Variants in PEBP4 observed in about 807,000 individuals in gnomAD.
PEBP4 encodes the protein phosphatidylethanolamine binding protein 4.
A neutral mutation model predicts 23.9 loss-of-function variants in PEBP4; 22 were observed. That is an observed-to-expected ratio of 0.92 (90% CI 0.66 to 1.31). The LOEUF is 1.31. Ranked by LOEUF, PEBP4 falls within the 40% of genes most tolerant of loss-of-function variation. PEBP4 has a pLI of 0.00. For missense variants in PEBP4, 324 were observed against 281.7 expected (o/e 1.15, Z -1.07); for synonymous variants, 112 against 99.3 (o/e 1.13, Z -0.76).
intron 3 of PEBP4, among the ~76,000 whole-genome samples, chr8:22,918,723 C>T (rs894016065): frequency 1.3e-5 from 2 of 152,108 alleles, no homozygotes; most frequent in East Asian, 1.9e-4. Context: ...ATGGTGAAGC[C>T]GAGAGTCCTG....
At chr8:22,920,879 G>A (rs1809184415) in intron 2 of PEBP4, among the ~76,000 whole-genome samples, 1 of 152,206 alleles carries the variant, frequency 6.6e-6, no homozygotes, top group South Asian at 2.1e-4. Context: ...CTGTAGCCTA[G>A]GTTCTCTTTC....
At position 22,747,872 on chromosome 8, in the gene PEBP4, T is replaced by C. The variant is rs1239048289; in HGVS notation, c.358-20652A>G. Among the ~76,000 whole-genome samples, 15 of 152,082 alleles carry C rather than the reference T, an allele frequency of 9.9e-5. No homozygotes were observed. In the South Asian group the frequency reaches 3.1e-3, roughly 32 times the overall value. Reference sequence around the variant, plus strand: ...GGGGCTTTCTCAGGGAATGTGTGAGTGTGTGCTCACACAAGCACTGTGGAG... The same window carrying C: ...GGGGCTTTCTCAGGGAATGTGTGAGCGTGTGCTCACACAAGCACTGTGGAG... On this transcript the variant is annotated intron_variant, in intron 4 of 6. Coordinates refer to ENST00000256404, the MANE Select transcript of PEBP4 (RefSeq NM_144962.3).
chr8:22,940,505 T>C (rs1044684069), intron 1 of PEBP4, among the ~76,000 whole-genome samples: 1 of 146,192 alleles, frequency 6.8e-6, no homozygotes, highest in Non-Finnish European at 1.5e-5. Context: ...TTTTTTTTTT[T>C]CGAGACGGAG....
intron 4 of PEBP4, among the ~76,000 whole-genome samples, chr8:22,804,779 G>T (rs1295208365): frequency 3.3e-5 from 5 of 152,036 alleles, no homozygotes; most frequent in Non-Finnish European, 5.9e-5. Flanking sequence ...CTAACAAACG[G>T]TTAGAACCTC....
chr8:22,796,805 G>A (rs1477367334), intron 4 of PEBP4, among the ~76,000 whole-genome samples: 1 of 152,108 alleles, frequency 6.6e-6, no homozygotes, highest in Non-Finnish European at 1.5e-5. Flanking sequence ...TGGGAGGGAG[G>A]GAGGCAGAAG....
chr8:22,776,661 T>A (rs1805820432), intron 4 of PEBP4, among the ~76,000 whole-genome samples: 1 of 151,692 alleles, frequency 6.6e-6, no homozygotes, highest in Non-Finnish European at 1.5e-5. Flanking sequence ...TTCCTCCCCA[T>A]CTCTACTTTC....
chr8:22,781,917 C>CG (rs1396224119), intron 4 of PEBP4, among the ~76,000 whole-genome samples: 1 of 152,154 alleles, frequency 6.6e-6, no homozygotes, highest in Non-Finnish European at 1.5e-5. Flanking sequence ...CCAGGTAACC[C>CG]GGGGGGCTGA....
chr8:22,877,512 G>A (rs182930374), intron 3 of PEBP4, among the ~76,000 whole-genome samples: 7 of 152,294 alleles, frequency 4.6e-5, no homozygotes, highest in Admixed American at 1.3e-4. Context: ...TTGTCTCTCC[G>A]TAGCCAAATG....
intron 3 of PEBP4, 44 bp downstream of exon 3, chr8:22,920,140 A>G: frequency 1.3e-6 from 2 of 1,568,020 alleles, no homozygotes; most frequent in Non-Finnish European, 1.7e-6. Context: ...GAACATCAAG[A>G]CCCCCAACTG....
intron 4 of PEBP4, among the ~76,000 whole-genome samples, chr8:22,776,120 C>T (rs1366221907): frequency 6.6e-6 from 1 of 152,180 alleles, no homozygotes; most frequent in Non-Finnish European, 1.5e-5. Context: ...CAAAGTAATA[C>T]TTAGAAAGCC....
At chr8:22,901,148 C>CAA (rs1377539993) in intron 3 of PEBP4, among the ~76,000 whole-genome samples, 1 of 152,140 alleles carries the variant, frequency 6.6e-6, no homozygotes, top group Admixed American at 6.5e-5. Flanking sequence ...AAAATAAAAC[C>CAA]TATATTCCAC....
intron 4 of PEBP4, among the ~76,000 whole-genome samples, chr8:22,804,905 C>T (rs568785960): frequency 1.3e-5 from 2 of 152,326 alleles, no homozygotes; most frequent in South Asian, 4.1e-4. Context: ...CCAGCTCCTT[C>T]CTGCTGTTCC....
intron 3 of PEBP4, among the ~76,000 whole-genome samples, chr8:22,843,622 T>C (rs1807369256): frequency 6.6e-6 from 1 of 152,128 alleles, no homozygotes; most frequent in Non-Finnish European, 1.5e-5. Context: ...TCCAACATCA[T>C]CTAGAAAAGA....
intron 3 of PEBP4, among the ~76,000 whole-genome samples, chr8:22,844,200 G>A (rs907208550): frequency 6.6e-6 from 1 of 152,178 alleles, no homozygotes; most frequent in Non-Finnish European, 1.5e-5. Flanking sequence ...TGTACTAAAG[G>A]AAATCCTGGA....
intron 4 of PEBP4, among the ~76,000 whole-genome samples, chr8:22,751,651 TGTGTGTTGTGC>T (rs1805268851): frequency 6.6e-6 from 1 of 151,048 alleles, no homozygotes; most frequent in African/African-American, 2.4e-5. Context: ...TGTGTGTGTG[TGTGTGTTGTGC>T]GTCTATATAT....
At chr8:22,898,290 G>A (rs1339475560) in intron 3 of PEBP4, among the ~76,000 whole-genome samples, 7 of 150,258 alleles carry the variant, frequency 4.7e-5, no homozygotes, top group African/African-American at 1.7e-4. Context: ...TACTTGCAAG[G>A]CTGAGGTGGG....
At chr8:22,790,098 C>A (rs1183272646) in intron 4 of PEBP4, among the ~76,000 whole-genome samples, 1 of 152,212 alleles carries the variant, frequency 6.6e-6, no homozygotes, top group East Asian at 1.9e-4. Context: ...CCCATCAACC[C>A]TCTCTAAGTC....
At chr8:22,814,161 C>T (rs772885357) in intron 4 of PEBP4, among the ~76,000 whole-genome samples, 8 of 152,174 alleles carry the variant, frequency 5.3e-5, no homozygotes, top group Non-Finnish European at 1.2e-4. Flanking sequence ...ACTACTATCT[C>T]CAGCTTACGA....
At chr8:22,760,846 G>C (rs549335849) in intron 4 of PEBP4, among the ~76,000 whole-genome samples, 8 of 152,154 alleles carry the variant, frequency 5.3e-5, no homozygotes, top group Admixed American at 1.3e-4. Flanking sequence ...TCTGGCAAAG[G>C]TTCCCCTGAA....
Sources: gnomAD v4.1 joint callset for allele counts (sites outside exome capture counted in the v4.1 genomes callset) on GRCh38, gnomAD v4.1.1 for gene constraint, MANE v1.5 for transcripts, NCBI Gene and HGNC (gene_info 2026-07-23, HGNC 2026-07-21) for gene names.